The following TMPRSS6 variants were observed in gnomAD, a reference collection of about 807,000 sequenced individuals.
TMPRSS6 encodes the protein transmembrane serine protease 6.
A neutral mutation model predicts 101.5 loss-of-function variants in TMPRSS6; 67 were observed. That is an observed-to-expected ratio of 0.66 (90% confidence interval 0.54 to 0.81). The LOEUF is 0.81. TMPRSS6 is among the 30% of genes least tolerant of loss of function. The probability of loss-of-function intolerance (pLI) is 0.00; values close to 1 mark genes in which losing one functional copy is unlikely to be tolerated. For synonymous variants in TMPRSS6, 453 were observed against 464.9 expected, an observed-to-expected ratio of 0.97 and a Z score of 0.33; for missense variants, 1,034 against 1,088.7, an observed-to-expected ratio of 0.95 and a Z score of 0.71.
intron 13 of TMPRSS6, among the ~76,000 whole-genome samples, chr22:37,072,626 T>C (rs1281667912): frequency 5.7e-5 from 7 of 122,876 alleles, no homozygotes; most frequent in South Asian, 5.7e-4. Flanking sequence ...GGACGATGGA[T>C]GGATGGATGA....
intron 6 of TMPRSS6, among the ~76,000 whole-genome samples, chr22:37,091,335 A>G (rs1008178342): frequency 3.9e-5 from 6 of 152,194 alleles, no homozygotes; most frequent in Non-Finnish European, 8.8e-5. Flanking sequence ...TCTCTGCTTT[A>G]AATCGTCTTC....
chr22:37,095,841 C>T (rs2146151940), intron 5 of TMPRSS6, 65 bp downstream of exon 5: 2 of 1,599,410 alleles, frequency 1.3e-6, no homozygotes, highest in Non-Finnish European at 1.7e-6. Flanking sequence ...CTCCCCGGGC[C>T]ACACCACAGC....
Position 37,065,726 on chromosome 22 carries a change from G to GCAA in TMPRSS6, c.*353_*354insTTG, listed in dbSNP as rs1224755148. On this transcript the variant is annotated 3_prime_UTR_variant, in exon 18 of 18. Transcript: ENST00000676104. ...GCCCAAACAGCCTCTGTACAGAGTG[G>GCAA]GGCGCACCTCAGACACTCCTCGGGA... The GCAA allele has an allele frequency of 5.7e-6, 2 of 352,242 alleles. No homozygotes were observed. Among genetic ancestry groups the GCAA allele is most frequent in the African/African-American group, 4.2e-5 (2 of 47,816 alleles). 21.8% of individuals were successfully genotyped at this position (352,242 alleles called of 1,614,324 possible).
At chr22:37,075,974 AAAG>A (rs1287261908) in intron 10 of TMPRSS6, among the ~76,000 whole-genome samples, 1 of 148,830 alleles carries the variant, frequency 6.7e-6, no homozygotes, top group Admixed American at 6.6e-5. Context: ...AGGGAGGGAA[AAAG>A]AAAGAAAGAA....
chr22:37,084,451 G>A, intron 9 of TMPRSS6, 47 bp from the exon 10 acceptor site: 1 of 1,458,000 alleles, frequency 6.9e-7, no homozygotes, highest in Non-Finnish European at 9.5e-7. Flanking sequence ...GGTGTGGCCA[G>A]GTTGGTGAAC....
In TMPRSS6 at chr22:37,084,740, G is replaced by C; in HGVS notation, c.1073C>G (p.Ser358Cys). The C allele has an allele frequency of 1.3e-6, 2 of 1,563,480 alleles. No homozygotes were observed. ...PSYYSPQTHC[S>C]WHLTVPSLDY... ...GTGGGGTCTCACCGTGAGGTGCCAG[G>C]AGCAGTGGGTTTGGGGCGAGTAGTA... The change falls in exon 9 of 18, where the codon TCC becomes TGC. Residue 358 changes from serine to cysteine, a missense_variant. Coordinates refer to ENST00000676104, the MANE Select transcript of TMPRSS6 (RefSeq NM_001374504.1).
intron 8 of TMPRSS6, 55 bp from the exon 9 acceptor site, chr22:37,084,894 G>A (rs1027820678): frequency 7.1e-7 from 1 of 1,402,908 alleles, no homozygotes; most frequent in Admixed American, 2.0e-5. Flanking sequence ...CCTCCCAGCA[G>A]GCTGGCGCAG....
chr22:37,066,717 G>A, intron 17 of TMPRSS6, 109 bp downstream of exon 17: 2 of 1,468,340 alleles, frequency 1.4e-6, no homozygotes, highest in East Asian at 2.3e-5. Context: ...CCACCTTGCT[G>A]GGAGGATGGG....
At chr22:37,097,097 T>TAC (rs3830740) in intron 3 of TMPRSS6, among the ~76,000 whole-genome samples, 87,978 of 151,972 alleles carry the variant, frequency 0.58, 25,782 homozygotes, top group Non-Finnish European at 0.6. Flanking sequence ...CATCTCCAAC[T>TAC]ACAGCGCTGC....
At chr22:37,096,392 C>T (rs1204906357) in intron 4 of TMPRSS6, among the ~76,000 whole-genome samples, 1 of 152,192 alleles carries the variant, frequency 6.6e-6, no homozygotes, top group African/African-American at 2.4e-5. Context: ...CCTCCAACAT[C>T]GCCTCGCCTG....
chr22:37,098,401 C>T lies in TMPRSS6; in HGVS notation c.336+15G>A. ...CCCATATTCCCTCCCTCTCATCCCC[C>T]AGATCCTTTCCTACCATCTTCTGGG... On this transcript the variant is annotated intron_variant, in intron 3 of 17. Coordinates refer to ENST00000676104, the MANE Select transcript of TMPRSS6 (RefSeq NM_001374504.1). 6.2e-7 allele frequency: 1 copy of T among 1,614,028 alleles called. No homozygotes were observed.
rs766634737 is a variant in TMPRSS6 at position 37,084,308 on chromosome 22, T to C, written c.1183A>G (p.Ile395Val). 6.2e-7 allele frequency: 1 copy of C among 1,613,494 alleles called. No individual in the cohort carries two copies. Among genetic ancestry groups the C allele is most frequent in the Non-Finnish European group, 8.5e-7 (1 of 1,179,728 alleles). The change falls in exon 10 of 18, where the codon ATC becomes GTC. Residue 395 changes from isoleucine (I) to valine (V), a missense_variant. Physicochemically the swap from Ile to Val is conservative, Grantham distance 29. Transcript: ENST00000676104. ...AGGAAGTGGTACCTCCTGTTCTGGA[T>C]CGTCCACTGGCCCTGGGTGCACGGC... ...DLPCTQGQWTIQNRRLCGLRI... is the reference protein window; with the variant it reads ...DLPCTQGQWTVQNRRLCGLRI...
rs1442130024 is a variant in TMPRSS6 at position 37,069,315 on chromosome 22, A to G, written c.1871T>C (p.Phe624Ser). ...CGAGTTCTGCCACACCTTGCCCAGG[A>G]ACACGGTCCACAGCACCGTGGAGGC... ...SMASTVLWTV[F>S]LGKVWQNSRW... Residue 624 changes from phenylalanine (F) to serine (S), a missense_variant, in exon 16 of 18, where the codon TTC becomes TCC. Phe to Ser is a radical substitution (Grantham distance 155). Transcript: ENST00000676104. This position sits in a 1 kb window ranked among gnomAD's most constrained non-coding sequence, Gnocchi z 4.8. 1 of 1,347,896 alleles carries G rather than the reference A, an allele frequency of 7.4e-7. No individual in the cohort carries two copies. The highest frequency in any genetic ancestry group is 9.8e-7 in the Non-Finnish European group (1 of 1,018,568). 83.5% of individuals were successfully genotyped at this position (1,347,896 alleles called of 1,614,324 possible).
chr22:37,075,333 C>G (rs779265370), intron 10 of TMPRSS6, 53 bp from the exon 11 acceptor site: 18 of 1,607,942 alleles, frequency 1.1e-5, no homozygotes, highest in Non-Finnish European at 1.4e-5. Context: ...TCCTGGGTCC[C>G]GTGCACAGAC....
intron 4 of TMPRSS6, 103 bp downstream of exon 4, chr22:37,096,545 C>T (rs5756512): frequency 0.38 from 490,422 of 1,296,830 alleles, 94,425 homozygotes; most frequent in Non-Finnish European, 0.39. Context: ...TTAGTTTCCC[C>T]ATTTGAAACA....
rs756073035 is a variant in TMPRSS6 at position 37,069,203 on chromosome 22, C to G, written c.1983G>C (p.Ala661=). ...HEEDSHDYDV[A]LLQLDHPVVR... ...CCACCGGGTGGTCGAGCTGCAGCAG[C>G]GCCACGTCGTAGTCATGGCTGTCCT... Residue 661 remains alanine, a synonymous_variant, in exon 16 of 18, where the codon GCG becomes GCC. Coordinates refer to ENST00000676104, the MANE Select transcript of TMPRSS6 (RefSeq NM_001374504.1). This position sits in a 1 kb window ranked among gnomAD's most constrained non-coding sequence, Gnocchi z 4.8. 4 of 1,604,094 alleles carry G rather than the reference C, an allele frequency of 2.5e-6. No homozygotes were observed. The highest frequency in any genetic ancestry group is 8.5e-7 in the Non-Finnish European group (1 of 1,176,238).
chr22:37,084,118 G>A (rs749244295), intron 10 of TMPRSS6, 177 bp downstream of exon 10: 1 of 649,010 alleles, frequency 1.5e-6, no homozygotes, highest in South Asian at 1.8e-5. Context: ...GCGGAGGCTG[G>A]GACGAGGACA....
chr22:37,072,477 G>GGATGGAT (rs1927119291), intron 13 of TMPRSS6, among the ~76,000 whole-genome samples: 1 of 142,268 alleles, frequency 7.0e-6, no homozygotes, highest in South Asian at 2.3e-4. Flanking sequence ...ATGGATGGAT[G>GGATGGAT]GATGGATGAT....
chr22:37,081,072 G>A (rs1928229753), intron 10 of TMPRSS6, among the ~76,000 whole-genome samples: 1 of 152,246 alleles, frequency 6.6e-6, no homozygotes, highest in African/African-American at 2.4e-5. Flanking sequence ...ATCTCTCTGT[G>A]TCTTGGGTGT....
Sources: allele counts gnomAD v4.1 joint callset (sites outside exome capture counted in the v4.1 genomes callset), GRCh38; gene constraint gnomAD v4.1.1; non-coding constraint Gnocchi (gnomAD v3.1); transcripts MANE v1.5; gene names NCBI Gene and HGNC (gene_info 2026-07-23, HGNC 2026-07-21).